Variants in MAST4 observed in about 807,000 individuals in gnomAD.
MAST4 encodes microtubule-associated serine/threonine-protein kinase 4.
Under a neutral mutation model 162.7 loss-of-function variants are expected in MAST4, and 89 were observed. The ratio of observed to expected loss-of-function variants is 0.55; its 90% CI spans 0.46 to 0.65. MAST4 has a LOEUF of 0.65. Among genes scored for constraint, MAST4 ranks in the 30% least tolerant of loss-of-function variants. The pLI is 0.00. For synonymous variants in MAST4, 1,479 were observed against 1,361.1 expected, an observed-to-expected ratio of 1.09 and a Z score of -1.91; for missense variants, 3,153 against 3,374.0, an observed-to-expected ratio of 0.93 and a Z score of 1.62.
chr5:66,679,448 C>G (rs756985781), intron 1 of MAST4, among the ~76,000 whole-genome samples: 1 of 152,188 alleles, frequency 6.6e-6, no homozygotes, highest in Non-Finnish European at 1.5e-5. Flanking sequence ...CAGGTGTAGG[C>G]TGGGAGCAGC....
rs529436412 is a variant in MAST4 at position 67,159,339 on chromosome 5, A to AT, written c.3649-1108dup. Among the ~76,000 whole-genome samples the AT allele has an allele frequency of 1.5e-3, 235 of 151,774 alleles. 1 individual carries two copies. The highest frequency in any genetic ancestry group is 5.1e-3 in the African/African-American group (212 of 41,374). On this transcript the variant is annotated intron_variant, in intron 26 of 28. Coordinates refer to ENST00000403625, the MANE Select transcript of MAST4 (RefSeq NM_001164664.2). The stretch of plus-strand genomic sequence containing the variant: ...TAGTGGTTGGGTGGTAAGCTTCTTA[A>AT]TTTTTTTTTAATACTTTCCTATTAT...
In MAST4 at chr5:66,713,184, G is replaced by A. The variant is rs372954688; in HGVS notation, c.364-46525G>A. ...TTTAAATACTAATCTTGTTTGTATG[G>A]GTAATGGTTCTCCTTGTACCATATA... On this transcript the variant is annotated intron_variant, in intron 1 of 28. Transcript: ENST00000403625. Among the ~76,000 whole-genome samples the A allele has an allele frequency of 3.3e-5, 5 of 152,124 alleles. No homozygotes were observed. The East Asian group carries it at 5.8e-4, about 18-fold the overall frequency.
In MAST4 at chr5:66,704,632, C is replaced by G. The variant is rs1750011090; in HGVS notation, c.364-55077C>G. On this transcript the variant is annotated intron_variant, in intron 1 of 28. Transcript: ENST00000403625. ...TCTCCCGCCTCAGCCTCCTGAGCAG[C>G]TGGTACTACAGGCGCTTGCCACCAT... is the stretch of plus-strand genomic sequence containing the variant. 2.6e-5 allele frequency among the ~76,000 whole-genome samples: 4 copies of G among 151,870 alleles called. No individual in the cohort carries two copies. The South Asian group carries it at 8.3e-4, about 32-fold the overall frequency.
intron 3 of MAST4, among the ~76,000 whole-genome samples, chr5:66,823,007 A>G (rs1436885566): frequency 6.6e-6 from 1 of 152,114 alleles, no homozygotes; most frequent in Non-Finnish European, 1.5e-5. Context: ...GATCAGATAG[A>G]GGTAACTGGA....
intron 1 of MAST4, among the ~76,000 whole-genome samples, chr5:66,656,258 A>AT (rs1162336885): frequency 3.3e-5 from 5 of 152,102 alleles, no homozygotes; most frequent in African/African-American, 9.7e-5. Context: ...AGTTTACTTA[A>AT]TTTTTTTACA....
intron 4 of MAST4, among the ~76,000 whole-genome samples, chr5:67,027,445 C>G (rs1754800613): frequency 6.6e-6 from 1 of 152,104 alleles, no homozygotes; most frequent in South Asian, 2.1e-4. Flanking sequence ...ATGATACCTC[C>G]TGGTACAACT....
chr5:66,750,934 T>TGC (rs1561304984), intron 1 of MAST4, among the ~76,000 whole-genome samples: 1 of 152,190 alleles, frequency 6.6e-6, no homozygotes, highest in Non-Finnish European at 1.5e-5. Context: ...TCTCCCAGCA[T>TGC]GCAGCTGGAG....
chr5:66,637,878 CTT>C (rs1191126543), intron 1 of MAST4, among the ~76,000 whole-genome samples: 1 of 151,868 alleles, frequency 6.6e-6, no homozygotes, highest in Admixed American at 6.6e-5. Flanking sequence ...ACCCAGCTAA[CTT>C]TTGCATTTTT....
intron 1 of MAST4, among the ~76,000 whole-genome samples, chr5:66,685,666 G>A (rs189018917): frequency 5.3e-5 from 8 of 152,188 alleles, no homozygotes; most frequent in Admixed American, 2.6e-4. Flanking sequence ...GAGTCGTCTC[G>A]GGGAACCATG....
intron 3 of MAST4, among the ~76,000 whole-genome samples, chr5:66,825,768 T>A (rs933644886): frequency 6.6e-5 from 10 of 152,286 alleles, no homozygotes; most frequent in East Asian, 3.9e-4. Flanking sequence ...TAATTTTTTT[T>A]AATGAAATAC....
rs538640834 is a variant in MAST4, at chr5:66,792,389, G to A, written c.642+3595G>A. 1.1e-3 allele frequency: 182 copies of A among 167,428 alleles called. 1 individual carries two copies. Among genetic ancestry groups the A allele is most frequent in the Non-Finnish European group, 4.4e-5 (3 of 68,202 alleles). The allele number at this position is 167,428 out of a possible 1,614,324, so 10.4% of individuals were successfully genotyped here. ...CGTTTTTGTTCTTTGTGTTTATGTC[G>A]AATACCTCCCTGCTAGACTGCAAGC... On this transcript the variant is annotated intron_variant, in intron 3 of 28. Coordinates refer to ENST00000403625, the MANE Select transcript of MAST4 (RefSeq NM_001164664.2).
intron 3 of MAST4, among the ~76,000 whole-genome samples, chr5:66,871,226 A>G (rs192346164): frequency 1.0e-3 from 158 of 152,332 alleles, no homozygotes; most frequent in African/African-American, 3.7e-3. Context: ...CCGTATAAAT[A>G]CAATTGATGT....
intron 1 of MAST4, among the ~76,000 whole-genome samples, chr5:66,629,475 G>T (rs1744659838): frequency 6.6e-6 from 1 of 152,168 alleles, no homozygotes; most frequent in Non-Finnish European, 1.5e-5. Context: ...GCAAATTACT[G>T]AGAACATTTC....
At chr5:66,943,998 C>T (rs747470965) in intron 4 of MAST4, among the ~76,000 whole-genome samples, 2 of 152,120 alleles carry the variant, frequency 1.3e-5, no homozygotes, top group Non-Finnish European at 2.9e-5. Context: ...TCTTAAAGTA[C>T]AGGTAACCAT....
At chr5:67,072,031 T>C (rs1461881970) in intron 5 of MAST4, among the ~76,000 whole-genome samples, 1 of 152,138 alleles carries the variant, frequency 6.6e-6, no homozygotes, top group Non-Finnish European at 1.5e-5. Context: ...CTGTATTTCT[T>C]CTCAACTCAT....
intron 4 of MAST4, among the ~76,000 whole-genome samples, chr5:66,923,280 C>T (rs961958327): frequency 3.3e-5 from 5 of 152,142 alleles, no homozygotes; most frequent in Admixed American, 2.6e-4. Flanking sequence ...TTAAAAGAAA[C>T]GCTGGGTATT....
chr5:66,700,463 C>T (rs993360315), intron 1 of MAST4, among the ~76,000 whole-genome samples: 1 of 152,062 alleles, frequency 6.6e-6, no homozygotes, highest in South Asian at 2.1e-4. Context: ...GGGTGGATCA[C>T]CTGAGGTCAG....
chr5:66,682,086 C>T (rs868027301), intron 1 of MAST4, among the ~76,000 whole-genome samples: 2 of 152,170 alleles, frequency 1.3e-5, no homozygotes, highest in East Asian at 3.9e-4. Flanking sequence ...CACATGTGCT[C>T]CCTGACCTAC....
intron 4 of MAST4, among the ~76,000 whole-genome samples, chr5:66,930,415 A>T (rs1353145464): frequency 6.6e-6 from 1 of 152,140 alleles, no homozygotes; most frequent in Non-Finnish European, 1.5e-5. Context: ...GTTCCCACAA[A>T]CTAAATGCAG....
Sources: allele counts gnomAD v4.1 joint callset (sites outside exome capture counted in the v4.1 genomes callset), GRCh38; gene constraint gnomAD v4.1.1; transcripts MANE v1.5; gene names NCBI Gene and HGNC (gene_info 2026-07-23, HGNC 2026-07-21).